NLRP2: variants seen among roughly 807,000 people sequenced by gnomAD.
NLRP2 encodes the protein NLR family pyrin domain containing 2, also known as NACHT, LRR and PYD domains-containing protein 2.
In NLRP2, 107 loss-of-function variants were observed where a neutral mutation model predicts 97.2. The observed-to-expected ratio is 1.10, with a 90% CI of 0.94 to 1.29. NLRP2 has a LOEUF of 1.29. Among genes scored for constraint, NLRP2 ranks in the 50% most tolerant of loss-of-function variants. The probability of loss-of-function intolerance (pLI) is 0.00; values close to 1 mark genes in which losing one functional copy is unlikely to be tolerated. For missense variants in NLRP2, 1,495 were observed against 1,330.3 expected, an observed-to-expected ratio of 1.12 and a Z score of -1.93; for synonymous variants, 663 against 551.5, an observed-to-expected ratio of 1.20 and a Z score of -2.83.
At chr19:54,996,445 G>C (rs546921954) in intron 11 of NLRP2, among the ~76,000 whole-genome samples, 69 of 152,262 alleles carry the variant, frequency 4.5e-4, no homozygotes, top group African/African-American at 1.6e-3. Context: ...AGAGGCTACA[G>C]TGAGCCGAGA....
intron 2 of NLRP2, among the ~76,000 whole-genome samples, chr19:54,972,579 A>G (rs999005365): frequency 2.6e-5 from 4 of 151,614 alleles, no homozygotes; most frequent in East Asian, 1.9e-4. Flanking sequence ...GACTTGAGCA[A>G]TCCTACCACT....
chr19:54,966,650 A>G (rs559303739), intron 1 of NLRP2, among the ~76,000 whole-genome samples, 183 bp downstream of exon 1: 126 of 151,494 alleles, frequency 8.3e-4, no homozygotes, highest in African/African-American at 3.0e-3. Context: ...GGTTCAGGCC[A>G]TTCTCCTGCC....
At position 55,000,609 on chromosome 19, in the gene NLRP2, A is replaced by AT. The variant is rs979070311; in HGVS notation, c.3051-151_3051-150insT. 6.8e-6 allele frequency: 5 copies of AT among 734,144 alleles called. No homozygotes were observed. The Admixed American group carries it at 1.1e-4, about 17-fold the overall frequency. The allele number at this position is 734,144 out of a possible 1,614,324, so 45.5% of individuals were successfully genotyped here. A position where few individuals can be genotyped will look rare whatever the true frequency, so the allele number is the denominator to read the frequency against. ...CTGTCTTTTAAAAAAAAAAAAAAAA[A>AT]ATCAATGTGGAACACTCCTTTGCCA... On this transcript the variant is annotated intron_variant, in intron 12 of 12. Coordinates refer to ENST00000448584, the MANE Select transcript of NLRP2 (RefSeq NM_017852.5).
At position 54,983,720 on chromosome 19, in the gene NLRP2, G is replaced by A. The variant is rs750193433; in HGVS notation, c.2022G>A (p.Glu674=). The A allele has an allele frequency of 6.2e-6, 10 of 1,610,824 alleles. No individual in the cohort carries two copies. Among genetic ancestry groups the A allele is most frequent in the Non-Finnish European group, 7.6e-6 (9 of 1,179,918 alleles). ...ENVTASESDA[E]VERSQDDQHM... ...TCACTGCGTCTGAATCAGACGCCGA[G>A]GTTGAGAGGTGAGAACCGTTTCACT... is the stretch of plus-strand genomic sequence containing the variant. The change falls in exon 6 of 13, where the codon GAG becomes GAA. Residue 674 remains glutamate, a synonymous_variant. Coordinates refer to ENST00000448584, the MANE Select transcript of NLRP2 (RefSeq NM_017852.5).
chr19:54,984,175 C>A (rs1602377220), intron 6 of NLRP2, among the ~76,000 whole-genome samples: 1 of 151,728 alleles, frequency 6.6e-6, no homozygotes, highest in African/African-American at 2.4e-5. Context: ...AAGACAGGGT[C>A]TTGCTGTGTT....
At position 54,980,110 on chromosome 19, in the gene NLRP2, T is replaced by C. The variant is rs1335675623; in HGVS notation, c.398-1507T>C. 2.6e-5 allele frequency among the ~76,000 whole-genome samples: 4 copies of C among 151,374 alleles called. No individual in the cohort carries two copies. The East Asian group carries it at 7.9e-4, about 30-fold the overall frequency. On this transcript the variant is annotated intron_variant, in intron 4 of 12. Coordinates refer to ENST00000448584, the MANE Select transcript of NLRP2 (RefSeq NM_017852.5). ...TCTTGACAAAGAATTTCGGTGCGAC[T>C]TGGGGTACTGTGGTGCCTGCTCTAT...
rs557593027 is a variant in NLRP2 at position 54,983,039 on chromosome 19, G to T, written c.1341G>T (p.Leu447=). 1 of 1,611,158 alleles carries T rather than the reference G, an allele frequency of 6.2e-7. No individual in the cohort carries two copies. Among genetic ancestry groups the T allele is most frequent in the South Asian group, 1.1e-5 (1 of 90,928 alleles). Residue 447 remains leucine (L), a synonymous_variant, in exon 6 of 13, where the codon CTG becomes CTT. Coordinates refer to ENST00000448584, the MANE Select transcript of NLRP2 (RefSeq NM_017852.5). Reference sequence around the variant, plus strand: ...AGGGCGCACAGCTGCGGGGCGCGCTGCGGACGCTGAGCCTCCTGGCCGCGC... The same window carrying T: ...AGGGCGCACAGCTGCGGGGCGCGCTTCGGACGCTGAGCCTCCTGGCCGCGC... ...FPQGAQLRGA[L]RTLSLLAAQG... is the part of the protein sequence containing the mutation.
chr19:54,979,697 T>A (rs896214098), intron 4 of NLRP2, among the ~76,000 whole-genome samples: 6 of 152,062 alleles, frequency 3.9e-5, no homozygotes, highest in African/African-American at 1.2e-4. Context: ...TGGCTCTGTA[T>A]AATAGAGGTG....
At chr19:54,971,723 C>T (rs543622755) in intron 2 of NLRP2, among the ~76,000 whole-genome samples, 105 of 152,156 alleles carry the variant, frequency 6.9e-4, no homozygotes, top group Admixed American at 1.5e-3. Context: ...TTTCAGGTAT[C>T]GTACAGTTGG....
At chr19:54,997,593 C>T (rs2072905874) in intron 12 of NLRP2, 106 bp downstream of exon 12, 2 of 1,194,186 alleles carry the variant, frequency 1.7e-6, no homozygotes, top group Admixed American at 1.7e-5. Flanking sequence ...AGCTGGATTA[C>T]AGGTTCCCGC....
intron 3 of NLRP2, among the ~76,000 whole-genome samples, chr19:54,977,328 G>A (rs2071301262): frequency 6.6e-6 from 1 of 152,026 alleles, no homozygotes; most frequent in Admixed American, 6.6e-5. Flanking sequence ...GGCCGAGGCA[G>A]GAGAATCACT....
intron 10 of NLRP2, among the ~76,000 whole-genome samples, chr19:54,992,551 G>GTTTTGTTTTTTTTTTTTT (rs1352367401): frequency 4.2e-5 from 1 of 24,014 alleles, no homozygotes; most frequent in Non-Finnish European, 7.4e-5. Context: ...GGGGGGGGGG[G>GTTTTGTTTTTTTTTTTTT]TTTTCTTTTT....
chr19:54,981,970 G>T (rs928376275), intron 5 of NLRP2, among the ~76,000 whole-genome samples, 192 bp from the exon 6 acceptor site: 3 of 151,994 alleles, frequency 2.0e-5, no homozygotes, highest in Admixed American at 1.3e-4. Flanking sequence ...TAGAGACAAG[G>T]TTTCTTCATG....
chr19:54,982,619 C>G lies in NLRP2; in HGVS notation c.921C>G (p.Asp307Glu). The G allele has an allele frequency of 6.2e-7, 1 of 1,614,106 alleles. No individual in the cohort carries two copies. ...CGCTGATCGAGGACATCTGCGGGGA[C>G]TGGGAGAAGAAGAAGCCGGTGCCCG... is the stretch of plus-strand genomic sequence containing the variant. ...PGALIEDICG[D>E]WEKKKPVPVL... Residue 307 changes from aspartate to glutamate, a missense_variant, in exon 6 of 13, where the codon GAC becomes GAG. Transcript: ENST00000448584.
chr19:54,988,138 A>G (rs1395944761), intron 8 of NLRP2, among the ~76,000 whole-genome samples: 2 of 152,170 alleles, frequency 1.3e-5, no homozygotes. Flanking sequence ...TACATCTTAC[A>G]GGTATTGGAA....
chr19:54,978,471 CAA>C (rs2071384346), intron 4 of NLRP2, among the ~76,000 whole-genome samples: 1 of 152,052 alleles, frequency 6.6e-6, no homozygotes, highest in Admixed American at 6.6e-5. Flanking sequence ...CTCCTGACCT[CAA>C]GAGATCTGCT....
chr19:54,996,054 C>CAAAAACAA (rs2072800217), intron 11 of NLRP2, among the ~76,000 whole-genome samples: 4 of 115,900 alleles, frequency 3.5e-5, no homozygotes, highest in African/African-American at 1.2e-4. Context: ...AAAAAAAAAA[C>CAAAAACAA]AAAAAAAACA....
chr19:54,996,533 C>T (rs538221107), intron 11 of NLRP2, among the ~76,000 whole-genome samples: 4 of 152,176 alleles, frequency 2.6e-5, no homozygotes, highest in South Asian at 2.1e-4. Context: ...AGTTATTTAA[C>T]CTCTCTGCTC....
chr19:54,990,203 C>T lies in NLRP2; in HGVS notation c.2537+11C>T, dbSNP rs762150413. The T allele has an allele frequency of 3.1e-6, 5 of 1,613,832 alleles. No homozygotes were observed. Among genetic ancestry groups the T allele is most frequent in the East Asian group, 4.5e-5 (2 of 44,884 alleles). ...TCTGCAGAGGTTGTCGTAAGTCTCT[C>T]CTCTCTTACAGAGCAGCTGTGCTTT... On this transcript the variant is annotated intron_variant, in intron 9 of 12. Transcript: ENST00000448584.
Sources: gnomAD v4.1 joint callset for allele counts (sites outside exome capture counted in the v4.1 genomes callset) on GRCh38, gnomAD v4.1.1 for gene constraint, MANE v1.5 for transcripts, NCBI Gene and HGNC (gene_info 2026-07-23, HGNC 2026-07-21) for gene names.